The following SCHIP1 variants were observed in gnomAD, a reference collection of about 807,000 sequenced individuals.
The protein encoded by SCHIP1 is schwannomin interacting protein 1, also known as schwannomin-interacting protein 1.
A neutral mutation model predicts 29.7 loss-of-function variants in SCHIP1; 8 were observed. The observed-to-expected ratio is 0.27, with a 90% CI of 0.16 to 0.49. SCHIP1 has a LOEUF of 0.49. Ranked by LOEUF, SCHIP1 falls within the 20% of genes least tolerant of loss-of-function variation. The pLI, the probability that SCHIP1 is intolerant of heterozygous loss-of-function variation, is 0.99. For synonymous variants in SCHIP1, 76 were observed against 94.9 expected (o/e 0.80, Z 1.16); for missense variants, 193 against 294.6 (o/e 0.66, Z 2.52).
the SCHIP1 span, among the ~76,000 whole-genome samples, chr3:159,775,402 C>G: frequency 6.5e-3 from 983 of 152,290 alleles, 6 homozygotes; most frequent in African/African-American, 0.023. Flanking sequence ...GGCCTGCAGA[C>G]AGCGGATGGT....
chr3:159,744,773 C>T, the SCHIP1 span, among the ~76,000 whole-genome samples: 2 of 151,994 alleles, frequency 1.3e-5, no homozygotes, highest in Admixed American at 1.3e-4. Context: ...GTCAGGAGAT[C>T]GAGACCATCC....
At chr3:159,546,037 TTTTG>T in the SCHIP1 span, among the ~76,000 whole-genome samples, 5 of 152,136 alleles carry the variant, frequency 3.3e-5, no homozygotes, top group East Asian at 7.7e-4. Context: ...TGAAAGATAT[TTTTG>T]TTTACTTGTT....
chr3:159,573,489 G>C, the SCHIP1 span, among the ~76,000 whole-genome samples: 1 of 152,188 alleles, frequency 6.6e-6, no homozygotes, highest in Non-Finnish European at 1.5e-5. Flanking sequence ...CTGTTAGTCT[G>C]ATGGGCTTCC....
At chr3:159,494,247 A>G in the SCHIP1 span, among the ~76,000 whole-genome samples, 1 of 152,232 alleles carries the variant, frequency 6.6e-6, no homozygotes, top group Non-Finnish European at 1.5e-5. Flanking sequence ...AGAAATAACT[A>G]AGATCAGAGC....
chr3:159,377,041 G>T, the SCHIP1 span, among the ~76,000 whole-genome samples: 1 of 152,164 alleles, frequency 6.6e-6, no homozygotes. Flanking sequence ...GTGTCTGAAT[G>T]CTTCAATTTT....
At chr3:159,585,673 G>C in the SCHIP1 span, among the ~76,000 whole-genome samples, 2 of 151,984 alleles carry the variant, frequency 1.3e-5, no homozygotes, top group Non-Finnish European at 2.9e-5. Flanking sequence ...TGAGGAATGG[G>C]GGCACAGAAA....
chr3:159,740,766 A>AAAAAC, the SCHIP1 span, among the ~76,000 whole-genome samples: 364 of 138,298 alleles, frequency 2.6e-3, 9 homozygotes, highest in Admixed American at 0.014. Context: ...ATATTCAAAA[A>AAAAAC]AAAAGAAAAA....
At chr3:159,343,147 G>A in the SCHIP1 span, among the ~76,000 whole-genome samples, 1 of 152,148 alleles carries the variant, frequency 6.6e-6, no homozygotes, top group Admixed American at 6.5e-5. Context: ...TGAGAAGGCT[G>A]AGTTTAGAGG....
At chr3:159,533,584 A>G in the SCHIP1 span, among the ~76,000 whole-genome samples, 1 of 152,204 alleles carries the variant, frequency 6.6e-6, no homozygotes, top group East Asian at 1.9e-4. Context: ...CTCATAACTT[A>G]GATGGACTGA....
the SCHIP1 span, among the ~76,000 whole-genome samples, chr3:159,520,223 G>A: frequency 1.4e-3 from 206 of 152,174 alleles, no homozygotes; most frequent in African/African-American, 4.8e-3. Flanking sequence ...ACTGCATGGA[G>A]AAAGAGACTC....
At chr3:159,442,095 AGT>A in the SCHIP1 span, among the ~76,000 whole-genome samples, 1 of 152,126 alleles carries the variant, frequency 6.6e-6, no homozygotes, top group East Asian at 1.9e-4. Context: ...GCTAGAGTAG[AGT>A]GTGAAAATGG....
At chr3:159,353,459 G>A in the SCHIP1 span, among the ~76,000 whole-genome samples, 2 of 151,970 alleles carry the variant, frequency 1.3e-5, no homozygotes, top group Admixed American at 1.3e-4. Flanking sequence ...AGTTCTTACT[G>A]AATCAAGGAG....
the SCHIP1 span, among the ~76,000 whole-genome samples, chr3:159,791,837 C>T: frequency 6.6e-6 from 1 of 152,018 alleles, no homozygotes; most frequent in African/African-American, 2.4e-5. Flanking sequence ...TCCATTAATC[C>T]CTTTTGATTA....
the SCHIP1 span, among the ~76,000 whole-genome samples, chr3:159,790,892 C>G: frequency 4.6e-5 from 7 of 151,830 alleles, no homozygotes; most frequent in Non-Finnish European, 1.0e-4. Flanking sequence ...TCCTTTAAAC[C>G]AAATTGTGTT....
At chr3:159,418,169 G>A in the SCHIP1 span, among the ~76,000 whole-genome samples, 1 of 152,110 alleles carries the variant, frequency 6.6e-6, no homozygotes. Context: ...CTACCTTTTT[G>A]TTTTCACTAA....
At chr3:159,811,532 G>A in the SCHIP1 span, among the ~76,000 whole-genome samples, 1 of 152,128 alleles carries the variant, frequency 6.6e-6, no homozygotes, top group Non-Finnish European at 1.5e-5. Context: ...ACCATCTGTT[G>A]AAAAGACTGT....
intron 2 of SCHIP1, among the ~76,000 whole-genome samples, chr3:159,874,134 C>T (rs1381235737): frequency 2.0e-5 from 3 of 152,182 alleles, no homozygotes. Flanking sequence ...TACCTTTTCT[C>T]AGAGTAACCA....
chr3:159,636,056 T>G, the SCHIP1 span, among the ~76,000 whole-genome samples: 26 of 152,058 alleles, frequency 1.7e-4, no homozygotes, highest in Non-Finnish European at 1.6e-4. Context: ...TTATTTTATT[T>G]TATTATTTTG....
At chr3:159,347,787 G>T in the SCHIP1 span, among the ~76,000 whole-genome samples, 1 of 152,046 alleles carries the variant, frequency 6.6e-6, no homozygotes, top group African/African-American at 2.4e-5. Flanking sequence ...TTTTTGTCCA[G>T]ATTCAATTCC....
Sources: gnomAD v4.1 joint callset for allele counts (sites outside exome capture counted in the v4.1 genomes callset) on GRCh38, gnomAD v4.1.1 for gene constraint, MANE v1.5 for transcripts, NCBI Gene and HGNC (gene_info 2026-07-23, HGNC 2026-07-21) for gene names.